DENND1B: variants seen among roughly 807,000 people sequenced by gnomAD.
DENND1B encodes the protein DENN domain containing 1B, also known as DENN domain-containing protein 1B.
In DENND1B, 59 loss-of-function variants were observed where a neutral mutation model predicts 90.1. That is an observed-to-expected ratio of 0.65 (90% CI 0.53 to 0.81). DENND1B has a LOEUF of 0.81. DENND1B is among the 40% of genes least tolerant of loss of function. DENND1B has a pLI of 0.00. For synonymous variants in DENND1B, 337 were observed against 324.6 expected, an observed-to-expected ratio of 1.04 and a Z score of -0.41; for missense variants, 862 against 912.6, an observed-to-expected ratio of 0.94 and a Z score of 0.71.
intron 3 of DENND1B, among the ~76,000 whole-genome samples, chr1:197,693,446 T>C (rs1169600982): frequency 6.6e-6 from 1 of 151,698 alleles, no homozygotes; most frequent in Admixed American, 6.6e-5. Flanking sequence ...ATTAAGCAAA[T>C]ATTGTATACT....
At chr1:197,528,732 C>T (rs370915692) in intron 20 of DENND1B, among the ~76,000 whole-genome samples, 16 of 150,586 alleles carry the variant, frequency 1.1e-4, no homozygotes, top group African/African-American at 2.9e-4. Context: ...TAGTGGCGGG[C>T]GCCTGTAGTC....
chr1:197,616,920 CT>C (rs1460290885), intron 11 of DENND1B, among the ~76,000 whole-genome samples: 6 of 151,008 alleles, frequency 4.0e-5, no homozygotes, highest in South Asian at 2.1e-4. Context: ...ATTTCCCCCC[CT>C]AGTCTTGAAG....
rs189206167 is a variant in DENND1B, at chr1:197,551,042, G to A, written c.1240+1980C>T. Among the ~76,000 whole-genome samples, 108 of 150,454 alleles carry A rather than the reference G, an allele frequency of 7.2e-4. 1 individual carries two copies. The highest frequency in any genetic ancestry group is 2.7e-3 in the Admixed American group (41 of 15,026). On this transcript the variant is annotated intron_variant, in intron 16 of 22. Transcript: ENST00000620048. ...TTCTCACAAGGGTAATGTGAATGAC[G>A]TATGTTTGGAACTGACCTCTAGGAA...
intron 2 of DENND1B, among the ~76,000 whole-genome samples, chr1:197,718,547 G>C (rs1660859432): frequency 6.6e-6 from 1 of 151,934 alleles, no homozygotes; most frequent in East Asian, 1.9e-4. Context: ...ACAGAGAAGA[G>C]GAGCATCTAT....
At chr1:197,657,212 C>T (rs915611687) in intron 6 of DENND1B, among the ~76,000 whole-genome samples, 3 of 152,104 alleles carry the variant, frequency 2.0e-5, no homozygotes, top group Admixed American at 6.5e-5. Flanking sequence ...AGGACTCTTA[C>T]GATTCAACAA....
At chr1:197,606,824 G>A (rs1017723597) in intron 13 of DENND1B, 1 of 356,116 alleles carries the variant, frequency 2.8e-6, no homozygotes, top group African/African-American at 2.2e-5. Flanking sequence ...AAGAAACTCT[G>A]CCTAATGAAT....
intron 3 of DENND1B, among the ~76,000 whole-genome samples, chr1:197,694,311 T>C (rs113516399): frequency 3.1e-4 from 47 of 151,226 alleles, no homozygotes; most frequent in African/African-American, 1.1e-3. Context: ...TATGAGTTAA[T>C]AATGAGTTTA....
intron 2 of DENND1B, chr1:197,734,363 G>A: frequency 1.0e-6 from 1 of 977,296 alleles, no homozygotes; most frequent in Non-Finnish European, 1.2e-6. Flanking sequence ...TTAAGTTATG[G>A]TTGAGTTCAT....
Position 197,753,716 on chromosome 1 carries a change from G to A in DENND1B, c.82+19152C>T, listed in dbSNP as rs573017539. On this transcript the variant is annotated intron_variant, in intron 2 of 22. Transcript: ENST00000620048. ...CAAAAACTGCTTTAAAAATAAAGTC[G>A]ATGGCCACGCGCGGTGGCTCACGCC... 7.9e-5 allele frequency among the ~76,000 whole-genome samples: 12 copies of A among 152,104 alleles called. No individual in the cohort carries two copies. In the East Asian group the frequency reaches 1.4e-3, roughly 17 times the overall value.
chr1:197,614,054 G>A (rs1441965463), intron 11 of DENND1B, among the ~76,000 whole-genome samples: 6 of 146,640 alleles, frequency 4.1e-5, no homozygotes, highest in East Asian at 2.0e-4. Flanking sequence ...TTTTTGAGAC[G>A]GAGTCTCGCT....
intron 15 of DENND1B, among the ~76,000 whole-genome samples, chr1:197,579,122 G>C (rs1673964907): frequency 6.6e-6 from 1 of 152,080 alleles, no homozygotes; most frequent in Admixed American, 6.6e-5. Flanking sequence ...AAATGATTAG[G>C]AGTTTTAATT....
At position 197,729,650 on chromosome 1, in the gene DENND1B, A is replaced by G. The variant is rs549945401; in HGVS notation, c.83-14576T>C. On this transcript the variant is annotated intron_variant, in intron 2 of 22. Coordinates refer to ENST00000620048, the MANE Select transcript of DENND1B (RefSeq NM_001195215.2). ...ATCATGTAGAATAAATAGTAATTAT[A>G]CAAATTATCCTTGGGCATTTGCCAC... Among the ~76,000 whole-genome samples the G allele has an allele frequency of 4.6e-5, 7 of 152,298 alleles. No homozygotes were observed. The South Asian group carries it at 1.5e-3, about 32-fold the overall frequency.
chr1:197,672,057 T>C lies in DENND1B; in HGVS notation c.276A>G (p.Thr92=). ...FGFCRLTSGG[T]ICLCILSYLP... Reference sequence around the variant, plus strand: ...CTCACCTAAGGATGCATAAACAAATTGTGCCTCCTGACGTCAGTCTGCAGA... The same window carrying C: ...CTCACCTAAGGATGCATAAACAAATCGTGCCTCCTGACGTCAGTCTGCAGA... The change falls in exon 5 of 23, where the codon ACA becomes ACG. Residue 92 remains threonine, a synonymous_variant. Transcript: ENST00000620048. The C allele has an allele frequency of 4.3e-6, 7 of 1,612,314 alleles. No individual in the cohort carries two copies. Among genetic ancestry groups the C allele is most frequent in the Non-Finnish European group, 5.9e-6 (7 of 1,179,016 alleles).
intron 2 of DENND1B, chr1:197,734,729 A>G (rs1300420758): frequency 1.0e-6 from 1 of 984,002 alleles, no homozygotes; most frequent in Non-Finnish European, 1.2e-6. Context: ...ATTAAAGAAT[A>G]CATCATTTGT....
At chr1:197,632,908 G>C (rs1455809277) in intron 10 of DENND1B, among the ~76,000 whole-genome samples, 1 of 152,154 alleles carries the variant, frequency 6.6e-6, no homozygotes, top group Non-Finnish European at 1.5e-5. Flanking sequence ...GTTTGGCAAA[G>C]AGAAACGTGT....
At chr1:197,635,835 G>A (rs963127079) in intron 10 of DENND1B, among the ~76,000 whole-genome samples, 8 of 152,090 alleles carry the variant, frequency 5.3e-5, no homozygotes, top group African/African-American at 1.9e-4. Context: ...GCATGTGGGA[G>A]ATTTAAAACA....
intron 14 of DENND1B, among the ~76,000 whole-genome samples, chr1:197,590,613 A>G (rs1675113676): frequency 6.6e-6 from 1 of 152,194 alleles, no homozygotes; most frequent in Admixed American, 6.5e-5. Context: ...ACAACAATTT[A>G]GGGTTGCCAG....
chr1:197,571,793 GAC>G (rs1305073302), intron 15 of DENND1B, among the ~76,000 whole-genome samples: 48 of 152,194 alleles, frequency 3.2e-4, no homozygotes, highest in African/African-American at 1.1e-3. Context: ...CAAACTAATA[GAC>G]ACACAGAAAA....
rs781737648 is a variant in DENND1B, at chr1:197,672,062, C to T, written c.271G>A (p.Gly91Ser). 1.9e-6 allele frequency: 3 copies of T among 1,612,224 alleles called. No individual in the cohort carries two copies. Among genetic ancestry groups the T allele is most frequent in the African/African-American group, 2.7e-5 (2 of 74,756 alleles). ...RFGFCRLTSGGTICLCILSYL... is the reference protein window; with the variant it reads ...RFGFCRLTSGSTICLCILSYL... ...CTAAGGATGCATAAACAAATTGTGC[C>T]TCCTGACGTCAGTCTGCAGAATCCA... is the stretch of plus-strand genomic sequence containing the variant. The change falls in exon 5 of 23, where the codon GGC becomes AGC. Residue 91 changes from glycine (G) to serine (S), a missense_variant. Physicochemically the swap from Gly to Ser is moderately conservative, Grantham distance 56. Transcript: ENST00000620048.
Sources: gnomAD v4.1 joint callset for allele counts (sites outside exome capture counted in the v4.1 genomes callset) on GRCh38, gnomAD v4.1.1 for gene constraint, MANE v1.5 for transcripts, NCBI Gene and HGNC (gene_info 2026-07-23, HGNC 2026-07-21) for gene names.